The following DAB1 variants were observed in gnomAD, a reference collection of about 807,000 sequenced individuals.
The protein encoded by DAB1 is disabled homolog 1.
In DAB1, 15 loss-of-function variants were observed where a neutral mutation model predicts 64.6. The ratio of observed to expected loss-of-function variants is 0.23; its 90% CI spans 0.16 to 0.36. DAB1 has a LOEUF of 0.36. Ranked by LOEUF, DAB1 falls within the 10% of genes least tolerant of loss-of-function variation. The pLI is 1.00. For missense variants in DAB1, 596 were observed against 706.7 expected (o/e 0.84, Z 1.78); for synonymous variants, 235 against 251.9 (o/e 0.93, Z 0.64).
At chr1:58,520,029 A>T (rs1646237431) in intron 2 of DAB1, among the ~76,000 whole-genome samples, 1 of 152,174 alleles carries the variant, frequency 6.6e-6, no homozygotes. Context: ...CTCACTCATA[A>T]GGGGGAGCTA....
chr1:57,320,285 A>T (rs1675594821), intron 1 of DAB1, among the ~76,000 whole-genome samples: 1 of 152,124 alleles, frequency 6.6e-6, no homozygotes, highest in East Asian at 1.9e-4. Context: ...TGAGTCAATT[A>T]ACTTCTTTCC....
chr1:57,407,109 G>C (rs558729922), intron 1 of DAB1, among the ~76,000 whole-genome samples: 9 of 152,322 alleles, frequency 5.9e-5, no homozygotes, highest in African/African-American at 9.6e-5. Flanking sequence ...AGTGAATTAT[G>C]ATAAAGTCCC....
chr1:57,946,739 G>A (rs1226939631), intron 5 of DAB1, among the ~76,000 whole-genome samples: 1 of 152,198 alleles, frequency 6.6e-6, no homozygotes, highest in Non-Finnish European at 1.5e-5. Context: ...AGACCTAGGA[G>A]GTCTAGCTCA....
At chr1:57,047,853 C>T (rs1273805119) in intron 9 of DAB1, among the ~76,000 whole-genome samples, 1 of 152,176 alleles carries the variant, frequency 6.6e-6, no homozygotes, top group African/African-American at 2.4e-5. Context: ...GCTCTATACA[C>T]CAGTCTTCCT....
At chr1:58,390,137 A>G (rs1179590802) in intron 3 of DAB1, among the ~76,000 whole-genome samples, 3 of 152,076 alleles carry the variant, frequency 2.0e-5, no homozygotes, top group African/African-American at 7.2e-5. Flanking sequence ...AGAGCTATCT[A>G]TTGGTAATAA....
chr1:57,906,182 C>T lies in DAB1; in HGVS notation n.388-22020G>A, dbSNP rs114222285. ...GAATGTGACTTGGATAGCTGGAACC[C>T]CAGCAGCCATTGTGTATGTAGAAAA... On this transcript the variant is annotated intron_variant and non_coding_transcript_variant, in intron 5 of 20. Transcript: ENST00000485760. 8.2e-3 allele frequency among the ~76,000 whole-genome samples: 1,249 copies of T among 152,206 alleles called. 8 individuals are homozygous for T. The highest frequency in any genetic ancestry group is 0.022 in the African/African-American group (901 of 41,524).
intron 2 of DAB1, among the ~76,000 whole-genome samples, chr1:58,521,869 T>C (rs1057348167): frequency 2.0e-5 from 3 of 152,162 alleles, no homozygotes; most frequent in African/African-American, 7.2e-5. Flanking sequence ...AAAACTCTTC[T>C]GGAGAAGAGA....
At chr1:57,772,917 G>T (rs574038794) in intron 6 of DAB1, among the ~76,000 whole-genome samples, 1 of 151,920 alleles carries the variant, frequency 6.6e-6, no homozygotes, top group Non-Finnish European at 1.5e-5. Context: ...CCGAGTGACT[G>T]GTGTCCTTGA....
chr1:58,392,032 G>T (rs1368966630), intron 3 of DAB1, among the ~76,000 whole-genome samples: 1 of 152,236 alleles, frequency 6.6e-6, no homozygotes, highest in Non-Finnish European at 1.5e-5. Flanking sequence ...CCAGGCTCAT[G>T]TATCTGCTGG....
At chr1:58,086,057 A>AG (rs1650288237) in intron 5 of DAB1, among the ~76,000 whole-genome samples, 1 of 140,348 alleles carries the variant, frequency 7.1e-6, no homozygotes, top group Non-Finnish European at 1.5e-5. Flanking sequence ...TCCGCCTCCC[A>AG]GGTTCACGCC....
intron 9 of DAB1, among the ~76,000 whole-genome samples, chr1:57,039,390 T>A (rs2100467868): frequency 6.6e-6 from 1 of 152,246 alleles, no homozygotes. Flanking sequence ...AGTCATGGAA[T>A]TATTTGCTTG....
chr1:57,729,756 A>G (rs766758759), intron 6 of DAB1, among the ~76,000 whole-genome samples: 13 of 152,176 alleles, frequency 8.5e-5, no homozygotes, highest in Non-Finnish European at 2.9e-5. Context: ...TTATTTTCTA[A>G]GTGTTTTATA....
At chr1:57,343,021 T>C (rs1456918139) in intron 1 of DAB1, among the ~76,000 whole-genome samples, 1 of 38,004 alleles carries the variant, frequency 2.6e-5, no homozygotes, top group African/African-American at 1.1e-4. Context: ...TCGGGCAGCC[T>C]GCTTTTATTG....
intron 2 of DAB1, among the ~76,000 whole-genome samples, chr1:58,522,068 T>C (rs566775838): frequency 8.2e-4 from 125 of 152,302 alleles, no homozygotes; most frequent in Non-Finnish European, 1.2e-3. Flanking sequence ...ATTAGGTATA[T>C]TTCCCCAAAA....
Position 58,469,876 on chromosome 1 carries a change from A to T in DAB1, n.257+36184T>A, listed in dbSNP as rs182225108. On this transcript the variant is annotated intron_variant and non_coding_transcript_variant, in intron 3 of 20. Transcript: ENST00000485760. Reference sequence around the variant, plus strand: ...GGAAGGGAGGACTTAGAGAATTTTTAAAAATAAATAATAATACTTAATATT... The same window carrying T: ...GGAAGGGAGGACTTAGAGAATTTTTTAAAATAAATAATAATACTTAATATT... Among the ~76,000 whole-genome samples, 883 of 152,252 alleles carry T rather than the reference A, an allele frequency of 5.8e-3. 9 individuals carry two copies. The highest frequency in any genetic ancestry group is 9.4e-3 in the Non-Finnish European group (637 of 68,014).
intron 1 of DAB1, among the ~76,000 whole-genome samples, chr1:57,843,797 T>A (rs1653157545): frequency 6.6e-6 from 1 of 152,116 alleles, no homozygotes; most frequent in Admixed American, 6.6e-5. Flanking sequence ...ACACCTGGGC[T>A]CTGGGATCTC....
intron 5 of DAB1, among the ~76,000 whole-genome samples, chr1:57,917,232 G>T (rs1452332854): frequency 1.3e-5 from 2 of 152,146 alleles, no homozygotes; most frequent in African/African-American, 4.8e-5. Context: ...AGATATAAGG[G>T]CCTAGGGCAT....
At chr1:57,428,494 C>T (rs1685373816), upstream of DAB1, among the ~76,000 whole-genome samples, 1 of 152,108 alleles carries the variant, frequency 6.6e-6, no homozygotes, top group Non-Finnish European at 1.5e-5. Flanking sequence ...GTAGGATTTC[C>T]TTCTATTTTA....
chr1:58,472,989 AT>A (rs1645377503), intron 3 of DAB1, among the ~76,000 whole-genome samples: 1 of 152,166 alleles, frequency 6.6e-6, no homozygotes, highest in Non-Finnish European at 1.5e-5. Flanking sequence ...AGGGTGTTCT[AT>A]GGGCAGGTGT....
Sources: allele counts gnomAD v4.1 joint callset (sites outside exome capture counted in the v4.1 genomes callset), GRCh38; gene constraint gnomAD v4.1.1; transcripts MANE v1.5; gene names NCBI Gene and HGNC (gene_info 2026-07-23, HGNC 2026-07-21).